KLHL20: variants seen among roughly 807,000 people sequenced by gnomAD.
KLHL20 encodes kelch like family member 20.
A neutral mutation model predicts 69.5 loss-of-function variants in KLHL20; 29 were observed. That is an observed-to-expected ratio of 0.42 (90% confidence interval 0.31 to 0.57). KLHL20 has a LOEUF of 0.57. Ranked by LOEUF, KLHL20 falls within the 20% of genes least tolerant of loss-of-function variation. The pLI is 0.18. For synonymous variants in KLHL20, 253 were observed against 265.2 expected, an observed-to-expected ratio of 0.95 and a Z score of 0.45; for missense variants, 419 against 776.0, an observed-to-expected ratio of 0.54 and a Z score of 5.47.
At chr1:173,774,203 G>GC in intron 8 of KLHL20, 102 bp from the exon 9 acceptor site, 6 of 1,334,728 alleles carry the variant, frequency 4.5e-6, no homozygotes, top group Non-Finnish European at 5.2e-6. Flanking sequence ...TTTGACTATA[G>GC]CAAGTCCGTG....
At chr1:173,729,041 G>A (rs1236328648) in intron 2 of KLHL20, among the ~76,000 whole-genome samples, 1 of 152,032 alleles carries the variant, frequency 6.6e-6, no homozygotes, top group Non-Finnish European at 1.5e-5. Flanking sequence ...TGATAAAGGG[G>A]ATATCACCAC....
chr1:173,727,594 T>C (rs1415210633), intron 2 of KLHL20, among the ~76,000 whole-genome samples: 1 of 152,138 alleles, frequency 6.6e-6, no homozygotes, highest in African/African-American at 2.4e-5. Flanking sequence ...GGGGCCAATA[T>C]TCAACATTCT....
At position 173,775,646 on chromosome 1, in the gene KLHL20, A is replaced by G; in HGVS notation, c.1442A>G (p.Asn481Ser). Residue 481 changes from asparagine to serine, a missense_variant, in exon 10 of 12, where the codon AAT becomes AGT. Around this residue, in one of 6 missense-constraint regions of KLHL20, gnomAD observed 56 missense variants for 75.9 expected, o/e 0.74. Transcript: ENST00000209884. The part of the protein sequence containing the change: ...TSPLNTVERY[N>S]PQENRWHTIA... ...CTTTTCCCTACAGTGGAACGTTACA[A>G]TCCTCAGGAAAACAGATGGCACACT... 1 of 1,614,074 alleles carries G rather than the reference A, an allele frequency of 6.2e-7. No individual in the cohort carries two copies. Among genetic ancestry groups the G allele is most frequent in the Non-Finnish European group, 8.5e-7 (1 of 1,179,964 alleles).
At chr1:173,769,663 C>T (rs1214254540) in intron 8 of KLHL20, among the ~76,000 whole-genome samples, 1 of 151,568 alleles carries the variant, frequency 6.6e-6, no homozygotes, top group Non-Finnish European at 1.5e-5. Context: ...TGGCATACAC[C>T]TGTGGTCCCA....
At chr1:173,738,870 T>C (rs1672658606) in intron 3 of KLHL20, among the ~76,000 whole-genome samples, 1 of 152,220 alleles carries the variant, frequency 6.6e-6, no homozygotes, top group Admixed American at 6.5e-5. Flanking sequence ...ATTATCTTTT[T>C]GATATGCTGT....
Position 173,733,882 on chromosome 1 carries a change from C to T in KLHL20, c.193C>T (p.Arg65Trp). ...LEVINLLRKH[R>W]ELCDVVLVVG... Reference sequence around the variant, plus strand: ...AGTGATTAACCTTCTGAGAAAGCACCGGGAGCTATGTGATGTGGTGCTAGT... The same window carrying T: ...AGTGATTAACCTTCTGAGAAAGCACTGGGAGCTATGTGATGTGGTGCTAGT... Residue 65 changes from arginine to tryptophan, a missense_variant, in exon 3 of 12, where the codon CGG becomes TGG. Arg to Trp is a moderately radical substitution (Grantham distance 101). Transcript: ENST00000209884. 3.1e-6 allele frequency: 5 copies of T among 1,614,060 alleles called. No homozygotes were observed. Among genetic ancestry groups the T allele is most frequent in the South Asian group, 1.1e-5 (1 of 91,066 alleles).
At chr1:173,734,998 G>A (rs1672458264) in intron 3 of KLHL20, among the ~76,000 whole-genome samples, 1 of 152,174 alleles carries the variant, frequency 6.6e-6, no homozygotes, top group Non-Finnish European at 1.5e-5. Context: ...GGAACAACTT[G>A]TGCAAAATCC....
chr1:173,734,151 G>A lies in KLHL20; in HGVS notation c.462G>A (p.Gln154=), dbSNP rs1190857400. Residue 154 remains glutamine, a synonymous_variant, in exon 3 of 12, where the codon CAG becomes CAA. Coordinates refer to ENST00000209884, the MANE Select transcript of KLHL20 (RefSeq NM_014458.4). ...AACLLQLAEI[Q]EACCEFLKRQ... ...GCCTCCTCCAGCTGGCAGAAATACA[G>A]GAAGCCTGCTGTGAATTCTTAAAGA... 5 of 1,614,200 alleles carry A rather than the reference G, an allele frequency of 3.1e-6. No individual in the cohort carries two copies. The highest frequency in any genetic ancestry group is 2.2e-5 in the South Asian group (2 of 91,084).
chr1:173,746,850 A>C (rs545737344), intron 3 of KLHL20, among the ~76,000 whole-genome samples: 1 of 151,974 alleles, frequency 6.6e-6, no homozygotes, highest in East Asian at 1.9e-4. Context: ...ATTAACTACT[A>C]TAAGTATTTA....
rs182686326 is a variant in KLHL20 at position 173,716,161 on chromosome 1, T to G, written c.23+95T>G. 1.9e-5 allele frequency: 23 copies of G among 1,206,712 alleles called. No individual in the cohort carries two copies. In the African/African-American group the frequency reaches 3.1e-4, roughly 16 times the overall value. The allele number at this position is 1,206,712 out of a possible 1,614,324, so 74.8% of individuals were successfully genotyped here. A position where few individuals can be genotyped will look rare whatever the true frequency, so the allele number is the denominator to read the frequency against. The stretch of plus-strand genomic sequence containing the variant: ...AAAAAGAGTTTCAATCTTACTAAAT[T>G]CTGCTTGGAACTAATGAGTCTTGTT... On this transcript the variant is annotated intron_variant, in intron 2 of 11. Coordinates refer to ENST00000209884, the MANE Select transcript of KLHL20 (RefSeq NM_014458.4).
chr1:173,728,535 C>T (rs1223704011), intron 2 of KLHL20, among the ~76,000 whole-genome samples: 2 of 152,174 alleles, frequency 1.3e-5, no homozygotes, highest in South Asian at 4.1e-4. Context: ...GAAATTATAA[C>T]AAACTGTCTC....
chr1:173,765,562 C>A (rs776711487), intron 7 of KLHL20, among the ~76,000 whole-genome samples: 8 of 151,486 alleles, frequency 5.3e-5, no homozygotes, highest in Non-Finnish European at 1.2e-4. Context: ...CACCCATTTG[C>A]ACAAAGAGAA....
intron 11 of KLHL20, 34 bp downstream of exon 11, chr1:173,782,264 T>C: frequency 6.8e-7 from 1 of 1,464,676 alleles, no homozygotes; most frequent in African/African-American, 1.4e-5. Flanking sequence ...ATCACCTCAC[T>C]ACTGATTTGG....
chr1:173,719,899 A>G (rs1671637324), intron 2 of KLHL20, among the ~76,000 whole-genome samples: 1 of 152,212 alleles, frequency 6.6e-6, no homozygotes, highest in African/African-American at 2.4e-5. Flanking sequence ...AAACCTTTAT[A>G]TAGTACCACT....
At chr1:173,753,167 A>G in intron 4 of KLHL20, 46 bp from the exon 5 acceptor site, 38 of 988,188 alleles carry the variant, frequency 3.8e-5, no homozygotes, top group Non-Finnish European at 6.1e-5. Context: ...AGTAAGACCT[A>G]TCTCAAAATT....
chr1:173,783,886 C>G (rs1441294143), intron 11 of KLHL20, among the ~76,000 whole-genome samples: 1 of 149,614 alleles, frequency 6.7e-6, no homozygotes, highest in Non-Finnish European at 1.5e-5. Flanking sequence ...AAAAGATTTA[C>G]TAAGTGCTCC....
At chr1:173,760,864 CGAAAGTAAA>C (rs911755151) in intron 7 of KLHL20, among the ~76,000 whole-genome samples, 11 of 152,092 alleles carry the variant, frequency 7.2e-5, no homozygotes, top group African/African-American at 2.7e-4. Context: ...AAGAGCACTA[CGAAAGTAAA>C]GTAACGGTAC....
rs1649216526 is a variant in KLHL20, at chr1:173,786,672, T to C, written c.*1425T>C. On this transcript the variant is annotated 3_prime_UTR_variant, in exon 12 of 12. Coordinates refer to ENST00000209884, the MANE Select transcript of KLHL20 (RefSeq NM_014458.4). ...CATGTATAACTTTTTTAAATAAAGG[T>C]AGTATTTACCATTAAAAAAATTTTA... 1 of 152,578 alleles carries C rather than the reference T, an allele frequency of 6.6e-6. No individual in the cohort carries two copies. The allele number at this position is 152,578 out of a possible 1,614,324, so 9.5% of individuals were successfully genotyped here.
intron 3 of KLHL20, among the ~76,000 whole-genome samples, chr1:173,738,062 A>G (rs535087870): frequency 6.7e-6 from 1 of 150,174 alleles, no homozygotes; most frequent in African/African-American, 2.5e-5. Context: ...TTAATTTTGT[A>G]CCCTGAAACT....
Sources: gnomAD v4.1 joint callset for allele counts (sites outside exome capture counted in the v4.1 genomes callset) on GRCh38, gnomAD v4.1.1 for gene constraint, gnomAD v4.1.1 regional missense constraint, MANE v1.5 for transcripts, NCBI Gene and HGNC (gene_info 2026-07-23, HGNC 2026-07-21) for gene names.